Variants in NAPG observed in about 807,000 individuals in gnomAD.
NAPG encodes the protein NSF attachment protein gamma, also known as gamma-soluble NSF attachment protein.
NAPG carries 25 observed loss-of-function variants against 48.4 expected under a neutral mutation model. That is an observed-to-expected ratio of 0.52 (90% CI 0.38 to 0.72). NAPG has a LOEUF of 0.72. NAPG is among the 30% of genes least tolerant of loss of function. The pLI, the probability that NAPG is intolerant of heterozygous loss-of-function variation, is 0.00. For synonymous variants in NAPG, 139 were observed against 127.2 expected (o/e 1.09, Z -0.62); for missense variants, 359 against 372.5 (o/e 0.96, Z 0.30).
In NAPG at chr18:10,544,250, T is replaced by C. The variant is rs2032215537; in HGVS notation, c.507-2076T>C. 1.3e-5 allele frequency among the ~76,000 whole-genome samples: 2 copies of C among 152,224 alleles called. No individual in the cohort carries two copies. Among genetic ancestry groups the C allele is most frequent in the Non-Finnish European group, 2.9e-5 (2 of 68,032 alleles). On this transcript the variant is annotated intron_variant, in intron 8 of 11. Transcript: ENST00000322897. The surrounding 1 kb of genome is among the most constrained non-coding windows in gnomAD (Gnocchi z 5.1). ...CTACAAACTTAGCAGCTTAAAACAG[T>C]ACTCACTGATTAGCTCACAGTTTCA...
Position 10,548,855 on chromosome 18 carries a change from T to G in NAPG, c.666-112T>G, listed in dbSNP as rs2032323617. ...GATGCCACTAGCATTCCCACACTTT[T>G]AAGTACCAAAATGTCTCCAGACAGT... On this transcript the variant is annotated intron_variant, in intron 10 of 11. Transcript: ENST00000322897. This position sits in a 1 kb window ranked among gnomAD's most constrained non-coding sequence, Gnocchi z 4.4. The G allele has an allele frequency of 7.3e-7, 1 of 1,364,508 alleles. No individual in the cohort carries two copies. The highest frequency in any genetic ancestry group is 9.9e-7 in the Non-Finnish European group (1 of 1,014,666). The allele number at this position is 1,364,508 out of a possible 1,614,324, so 84.5% of individuals were successfully genotyped here.
rs770419103 is a variant in NAPG at position 10,532,789 on chromosome 18, A to G, written c.203A>G (p.Asn68Ser). 3 of 1,571,942 alleles carry G rather than the reference A, an allele frequency of 1.9e-6. No individual in the cohort carries two copies. Among genetic ancestry groups the G allele is most frequent in the Non-Finnish European group, 2.6e-6 (3 of 1,156,594 alleles). Residue 68 changes from asparagine (N) to serine (S), a missense_variant, in exon 3 of 12, where the codon AAT (asparagine) becomes AGT (serine). Transcript: ENST00000322897. ...AGGGAAGCTGTTGCCCATGAAAATA[A>G]TAGGGCGTATCTTTTTCAACTTTTA... ...CLREAVAHENNRALFHAAKAY... is the reference protein window; with the variant it reads ...CLREAVAHENSRALFHAAKAY...
At position 10,526,101 on chromosome 18, in the gene NAPG, A is replaced by C; in HGVS notation, c.-2A>C. On this transcript the variant is annotated 5_prime_UTR_variant, in exon 1 of 12. Coordinates refer to ENST00000322897, the MANE Select transcript of NAPG (RefSeq NM_003826.3). Reference sequence around the variant, plus strand: ...CTCCACGTCAGAGACCTGACTGTGGAGATGGCGGCTCAGAAGATAAACGAG... The same window carrying C: ...CTCCACGTCAGAGACCTGACTGTGGCGATGGCGGCTCAGAAGATAAACGAG... The C allele has an allele frequency of 1.2e-6, 2 of 1,613,628 alleles. No homozygotes were observed. The highest frequency in any genetic ancestry group is 1.7e-6 in the Non-Finnish European group (2 of 1,179,638).
intron 1 of NAPG, among the ~76,000 whole-genome samples, chr18:10,530,370 A>G (rs973814453): frequency 6.6e-6 from 1 of 151,926 alleles, no homozygotes; most frequent in South Asian, 2.1e-4. Flanking sequence ...TCTGTGCGTC[A>G]GTTTCATGAA....
Position 10,539,771 on chromosome 18 carries a change from A to G in NAPG, c.268A>G (p.Lys90Glu). 6.2e-7 allele frequency: 1 copy of G among 1,614,014 alleles called. No homozygotes were observed. The highest frequency in any genetic ancestry group is 8.5e-7 in the Non-Finnish European group (1 of 1,179,864). ...QAGMMLKEMQ[K>E]LPEAVQLIEK... The stretch of plus-strand genomic sequence containing the variant: ...TATCCTTTGCCCAAAGGAGATGCAG[A>G]AACTACCAGAGGCCGTTCAGCTAAT... The change falls in exon 6 of 12, where the codon AAA becomes GAA. Residue 90 changes from lysine to glutamate, a missense_variant. Physicochemically the swap from Lys to Glu is moderately conservative, Grantham distance 56 (BLOSUM62 1). Coordinates refer to ENST00000322897, the MANE Select transcript of NAPG (RefSeq NM_003826.3). This position sits in a 1 kb window ranked among gnomAD's most constrained non-coding sequence, Gnocchi z 4.7.
Position 10,543,889 on chromosome 18 carries a change from C to T in NAPG, c.507-2437C>T, listed in dbSNP as rs573279791. On this transcript the variant is annotated intron_variant, in intron 8 of 11. Coordinates refer to ENST00000322897, the MANE Select transcript of NAPG (RefSeq NM_003826.3). The surrounding 1 kb of genome is among the most constrained non-coding windows in gnomAD (Gnocchi z 4.4). ...TAATTTCATGGCCTTTTAGCAAAGT[C>T]GATCAACTTTTTCGACTACAAACTC... 1.2e-3 allele frequency among the ~76,000 whole-genome samples: 176 copies of T among 152,186 alleles called. No individual in the cohort carries two copies. Among genetic ancestry groups the T allele is most frequent in the African/African-American group, 4.0e-3 (168 of 41,516 alleles).
rs2032363803 is a variant in NAPG at position 10,550,387 on chromosome 18, C to T, written c.*167C>T. 8 of 618,930 alleles carry T rather than the reference C, an allele frequency of 1.3e-5. No individual in the cohort carries two copies. The allele number at this position is 618,930 out of a possible 1,614,324, so 38.3% of individuals were successfully genotyped here. ...ATCTTCCCAAATCACTCATTGTATC[C>T]ATTACCTGTGAAGCATATCTTTTTC... On this transcript the variant is annotated 3_prime_UTR_variant, in exon 12 of 12. Coordinates refer to ENST00000322897, the MANE Select transcript of NAPG (RefSeq NM_003826.3).
rs1332646247 is a variant in NAPG, at chr18:10,550,170, G to A, written c.889G>A (p.Ala297Thr). The A allele has an allele frequency of 6.3e-7, 1 of 1,588,564 alleles. No individual in the cohort carries two copies. The highest frequency in any genetic ancestry group is 1.2e-5 in the South Asian group (1 of 86,752). The change falls in exon 12 of 12, where the codon GCC becomes ACC. Residue 297 changes from alanine to threonine, a missense_variant. Ala to Thr is a moderately conservative substitution (Grantham distance 58, BLOSUM62 0). Transcript: ENST00000322897. ...ACAGGCCAAGCCTGATGGTGTCACT[G>A]CCACGGCTGCTGATGAAGAGGAAGA... ...TPQAKPDGVT[A>T]TAADEEEDEY... is the part of the protein sequence containing the mutation.
chr18:10,528,057 G>A (rs774609230), intron 1 of NAPG, among the ~76,000 whole-genome samples: 22 of 152,058 alleles, frequency 1.4e-4, no homozygotes, highest in Non-Finnish European at 2.2e-4. Context: ...GTGGTGGCGC[G>A]CACCTGTAAT....
intron 1 of NAPG, among the ~76,000 whole-genome samples, chr18:10,530,188 C>CTTTTTTTTTTTTTTTTTTTTTTTTTTT (rs58597079): frequency 4.5e-5 from 3 of 67,332 alleles, no homozygotes; most frequent in Non-Finnish European, 8.5e-5. Flanking sequence ...CGAGTTTTCA[C>CTTTTTTTTTTTTTTTTTTTTTTTTTTT]TTTTTTTTTT....
chr18:10,526,239 C>CTTTGCCCCCGGGGGGGGGG, intron 1 of NAPG, 81 bp downstream of exon 1: 1 of 349,042 alleles, frequency 2.9e-6, no homozygotes, highest in Non-Finnish European at 5.8e-6. Context: ...CCGGGGGGGG[C>CTTTGCCCCCGGGGGGGGGG]GGGAGGGAGG....
intron 5 of NAPG, among the ~76,000 whole-genome samples, chr18:10,537,049 T>C (rs2032050033): frequency 6.6e-6 from 1 of 151,570 alleles, no homozygotes; most frequent in South Asian, 2.1e-4. Context: ...CTCAACCTCC[T>C]GGGCTCAGGC....
At chr18:10,547,303 G>A (rs9961818) in intron 9 of NAPG, among the ~76,000 whole-genome samples, 3,440 of 152,282 alleles carry the variant, frequency 0.023, 127 homozygotes, top group African/African-American at 0.077. Flanking sequence ...GAAAACATCT[G>A]TACTCTCCTG....
intron 7 of NAPG, 102 bp from the exon 8 acceptor site, chr18:10,540,227 C>T (rs1412510146): frequency 1.2e-5 from 13 of 1,120,852 alleles, no homozygotes; most frequent in Non-Finnish European, 1.7e-5. Context: ...TCGTGTTCCC[C>T]CCTTGATCCA....
intron 2 of NAPG, among the ~76,000 whole-genome samples, chr18:10,532,299 G>A (rs1267477890): frequency 1.3e-5 from 2 of 152,122 alleles, no homozygotes; most frequent in African/African-American, 4.8e-5. Context: ...GTGCTTATTG[G>A]CCCTCAGTTT....
At chr18:10,526,973 A>G (rs1238215870) in intron 1 of NAPG, among the ~76,000 whole-genome samples, 2 of 151,956 alleles carry the variant, frequency 1.3e-5, no homozygotes, top group African/African-American at 2.4e-5. Context: ...GCGGATCACA[A>G]GGTCAGAAGA....
chr18:10,540,316 T>G lies in NAPG; in HGVS notation c.436-13T>G, dbSNP rs540177296. 3 of 1,611,156 alleles carry G rather than the reference T, an allele frequency of 1.9e-6. No individual in the cohort carries two copies. The highest frequency in any genetic ancestry group is 2.5e-6 in the Non-Finnish European group (3 of 1,178,170). On this transcript the variant is annotated splice_polypyrimidine_tract_variant and intron_variant, in intron 7 of 11. Transcript: ENST00000322897. ...TAAAGCAGCCAACACTTGTTTTTCT[T>G]TGATTCCTTCAGAATGAAGAACGCT...
Position 10,546,705 on chromosome 18 carries a change from C to T in NAPG, c.585+301C>T, listed in dbSNP as rs10459991. Among the ~76,000 whole-genome samples the T allele has an allele frequency of 0.099, 15,039 of 152,218 alleles. 995 individuals carry two copies. The highest frequency in any genetic ancestry group is 0.24 in the East Asian group (1,235 of 5,166). Reference sequence around the variant, plus strand: ...ACAACCACCATGGGAATGAGTTTCTCGGGTTTTTTTCCATTTCCTCTTGCA... The same window carrying T: ...ACAACCACCATGGGAATGAGTTTCTTGGGTTTTTTTCCATTTCCTCTTGCA... On this transcript the variant is annotated intron_variant, in intron 9 of 11. Coordinates refer to ENST00000322897, the MANE Select transcript of NAPG (RefSeq NM_003826.3). The surrounding 1 kb of genome is among the most constrained non-coding windows in gnomAD (Gnocchi z 4.0).
intron 9 of NAPG, among the ~76,000 whole-genome samples, chr18:10,547,327 G>A (rs1372553081): frequency 1.3e-5 from 2 of 152,172 alleles, no homozygotes; most frequent in East Asian, 3.9e-4. Flanking sequence ...ATTAAGCAGA[G>A]GCTGTGCAGC....
Sources: gnomAD v4.1 joint callset for allele counts (sites outside exome capture counted in the v4.1 genomes callset) on GRCh38, gnomAD v4.1.1 for gene constraint, Gnocchi (gnomAD v3.1) non-coding constraint, MANE v1.5 for transcripts, NCBI Gene and HGNC (gene_info 2026-07-23, HGNC 2026-07-21) for gene names.